Variants in DMD observed in about 807,000 individuals in gnomAD.
DMD encodes dystrophin, also known as mutant dystrophin.
DMD carries 63 observed loss-of-function variants against 330.1 expected under a neutral mutation model. The ratio of observed to expected loss-of-function variants is 0.19; its 90% CI spans 0.16 to 0.24. The LOEUF is 0.24. Ranked by LOEUF, DMD falls within the 10% of genes least tolerant of loss-of-function variation. The pLI is 1.00. For missense variants in DMD, 3,344 were observed against 2,684.1 expected, an observed-to-expected ratio of 1.25 and a Z score of -5.43; for synonymous variants, 1,223 against 959.8, an observed-to-expected ratio of 1.27 and a Z score of -5.07.
chrX:32,942,458 G>A (rs1298888004), intron 2 of DMD, among the ~76,000 whole-genome samples: 3 of 110,840 alleles, frequency 2.7e-5, no homozygotes, highest in Non-Finnish European at 5.7e-5. Context: ...CAGAAGAATC[G>A]CTTCAATCCA....
intron 43 of DMD, among the ~76,000 whole-genome samples, chrX:32,230,508 G>T (rs2097165504): frequency 8.9e-6 from 1 of 111,805 alleles, no homozygotes; most frequent in Admixed American, 9.5e-5. Context: ...GCCTCCCAAA[G>T]TGCTGGGATT....
intron 45 of DMD, among the ~76,000 whole-genome samples, chrX:31,963,787 CTTTTTTT>C (rs369054870): frequency 2.5e-5 from 2 of 80,440 alleles, no homozygotes; most frequent in South Asian, 6.0e-4. Context: ...GAGGAAAAAC[CTTTTTTT>C]TTTTTTTTTT....
intron 1 of DMD, among the ~76,000 whole-genome samples, chrX:33,039,649 A>G (rs2094264682): frequency 9.0e-6 from 1 of 111,343 alleles, no homozygotes; most frequent in South Asian, 3.8e-4. Flanking sequence ...TTAAAATATC[A>G]CTTATCTACT....
At chrX:31,841,105 T>G (rs918467267) in intron 48 of DMD, among the ~76,000 whole-genome samples, 1 of 111,298 alleles carries the variant, frequency 9.0e-6, no homozygotes, top group Non-Finnish European at 1.9e-5. Flanking sequence ...TTGAAGAAAA[T>G]TAAAAGTGCC....
chrX:32,597,847 A>G (rs1461474405), intron 12 of DMD, among the ~76,000 whole-genome samples: 1 of 112,184 alleles, frequency 8.9e-6, no homozygotes, highest in Non-Finnish European at 1.9e-5. Flanking sequence ...ATTTCTCTGA[A>G]TAGCTATTTG....
At chrX:31,123,279 A>C (rs2033084483) in intron 78 of DMD, among the ~76,000 whole-genome samples, 1 of 112,248 alleles carries the variant, frequency 8.9e-6, no homozygotes, top group South Asian at 3.7e-4. Context: ...AAGTTTGTAT[A>C]TCTATCTTTT....
rs10678250 is a variant in DMD at position 33,200,925 on chromosome X, C to CTTTTTTT, written c.31+10350_31+10356dup. On this transcript the variant is annotated intron_variant, in intron 1 of 78. Coordinates refer to ENST00000357033, the MANE Select transcript of DMD (RefSeq NM_004006.3). ...GGAAACGCACATGATAATCAATAGA[C>CTTTTTTT]TTTTTTTTTTTTTTTTTTTTTTTTG... 7.8e-4 allele frequency among the ~76,000 whole-genome samples: 41 copies of CTTTTTTT among 52,808 alleles called. 5 individuals are homozygous for CTTTTTTT. The highest frequency in any genetic ancestry group is 9.3e-4 in the Non-Finnish European group (31 of 33,276). The allele number at this position is 52,808 out of a possible 115,157, so 45.9% of individuals were successfully genotyped here. A position where few individuals can be genotyped will look rare whatever the true frequency, so the allele number is the denominator to read the frequency against.
Position 32,625,577 on chromosome X carries a change from A to C in DMD, c.1332-11124T>G, listed in dbSNP as rs185695881. 1.5e-4 allele frequency among the ~76,000 whole-genome samples: 17 copies of C among 112,228 alleles called. No individual in the cohort carries two copies. The East Asian group carries it at 4.8e-3, about 31-fold the overall frequency. On this transcript the variant is annotated intron_variant, in intron 11 of 78. Transcript: ENST00000357033. ...GCAATAAACATTAATAGCATTTTTTAAAATTTTCATTTTCCATATACAAAT... is the reference window on the plus strand; with the variant it reads ...GCAATAAACATTAATAGCATTTTTTCAAATTTTCATTTTCCATATACAAAT...
intron 43 of DMD, among the ~76,000 whole-genome samples, chrX:32,221,250 T>A (rs2097130847): frequency 9.0e-6 from 1 of 111,234 alleles, no homozygotes; most frequent in Non-Finnish European, 1.9e-5. Flanking sequence ...AAACTCAGCA[T>A]TGGACTGCTG....
chrX:31,457,089 C>A (rs1403433915), intron 59 of DMD, among the ~76,000 whole-genome samples: 1 of 109,449 alleles, frequency 9.1e-6, no homozygotes, highest in Non-Finnish European at 1.9e-5. Flanking sequence ...TGACTGAAAT[C>A]ATTCACAGAG....
intron 1 of DMD, among the ~76,000 whole-genome samples, chrX:33,181,065 A>G (rs1250532130): frequency 9.0e-6 from 1 of 110,727 alleles, no homozygotes; most frequent in Non-Finnish European, 1.9e-5. Context: ...ACATACACAC[A>G]TATATGTATG....
chrX:33,151,478 G>A (rs1452584053), intron 1 of DMD, among the ~76,000 whole-genome samples: 2 of 112,017 alleles, frequency 1.8e-5, no homozygotes, highest in South Asian at 3.7e-4. Context: ...AAAGGTAATT[G>A]AAAATATCAA....
chrX:31,230,002 A>C (rs770931435), intron 63 of DMD, among the ~76,000 whole-genome samples: 19 of 112,300 alleles, frequency 1.7e-4, no homozygotes, highest in Non-Finnish European at 3.4e-4. Context: ...AGGCTTCAGA[A>C]GTCTAGAATT....
At chrX:32,486,473 C>G (rs2148597323) in intron 20 of DMD, among the ~76,000 whole-genome samples, 1 of 110,983 alleles carries the variant, frequency 9.0e-6, no homozygotes, top group Admixed American at 9.6e-5. Flanking sequence ...TGGACAATGA[C>G]TTTCTTCACA....
intron 1 of DMD, among the ~76,000 whole-genome samples, chrX:33,279,045 T>G (rs933829098): frequency 3.4e-4 from 38 of 111,305 alleles, no homozygotes; most frequent in Non-Finnish European, 4.7e-4. Context: ...AATTCTGGAT[T>G]AAATTTGACT....
chrX:31,944,648 T>C (rs1295225466), intron 45 of DMD, among the ~76,000 whole-genome samples: 1 of 103,859 alleles, frequency 9.6e-6, no homozygotes, highest in Non-Finnish European at 2.0e-5. Context: ...TGTTTGTTTG[T>C]TTTGTTTTGT....
At chrX:31,177,824 TA>T in intron 71 of DMD, 107 bp downstream of exon 71, 1 of 770,712 alleles carries the variant, frequency 1.3e-6, no homozygotes, top group Non-Finnish European at 1.9e-6. Flanking sequence ...AATATGTCCA[TA>T]AAACAAAACA....
chrX:32,616,071 AT>A (rs1311090325), intron 11 of DMD, among the ~76,000 whole-genome samples: 2 of 110,082 alleles, frequency 1.8e-5, no homozygotes, highest in Admixed American at 9.7e-5. Context: ...GATTTGTCTG[AT>A]TTTTTTTCCT....
chrX:32,944,920 T>G (rs960599206), intron 2 of DMD, among the ~76,000 whole-genome samples: 27 of 111,252 alleles, frequency 2.4e-4, no homozygotes, highest in Non-Finnish European at 4.7e-4. Flanking sequence ...GAAGTTTTAT[T>G]AAACACTCTA....
Sources: allele counts gnomAD v4.1 joint callset (sites outside exome capture counted in the v4.1 genomes callset), GRCh38; gene constraint gnomAD v4.1.1; transcripts MANE v1.5; gene names NCBI Gene and HGNC (gene_info 2026-07-23, HGNC 2026-07-21).